The following ELP6 variants were observed in gnomAD, a reference collection of about 807,000 sequenced individuals.
ELP6 encodes the protein elongator acetyltransferase complex subunit 6, also known as elongator complex protein 6.
A neutral mutation model predicts 28.1 loss-of-function variants in ELP6; 23 were observed. The ratio of observed to expected loss-of-function variants is 0.82; its 90% confidence interval spans 0.59 to 1.16. The LOEUF (loss-of-function observed/expected upper bound fraction) is 1.16, where lower values mean the gene tolerates loss of function less well. Ranked by LOEUF, ELP6 falls within the 50% of genes most tolerant of loss-of-function variation. The probability of loss-of-function intolerance (pLI) is 0.00; values close to 1 mark genes in which losing one functional copy is unlikely to be tolerated. For missense variants in ELP6, 313 were observed against 334.6 expected, an observed-to-expected ratio of 0.94 and a Z score of 0.50; for synonymous variants, 132 against 135.8, an observed-to-expected ratio of 0.97 and a Z score of 0.19.
intron 6 of ELP6, chr3:47,496,658 G>A (rs1302599812): frequency 3.0e-6 from 2 of 656,128 alleles, no homozygotes; most frequent in East Asian, 2.7e-4. Flanking sequence ...CCATGCCTGG[G>A]CAATTTTTGT....
In ELP6 at chr3:47,513,642, A is replaced by C; in HGVS notation, c.-52T>G. ...GAGGAGAACCCGGAGTGCTGCAGAGACGACGGAGGCTGGAGAGCAAAACAC... is the reference window on the plus strand; with the variant it reads ...GAGGAGAACCCGGAGTGCTGCAGAGCCGACGGAGGCTGGAGAGCAAAACAC... On this transcript the variant is annotated 5_prime_UTR_variant, in exon 1 of 7. Coordinates refer to ENST00000296149, the MANE Select transcript of ELP6 (RefSeq NM_001031703.3). 6.2e-7 allele frequency: 1 copy of C among 1,609,478 alleles called. No individual in the cohort carries two copies. Among genetic ancestry groups the C allele is most frequent in the Non-Finnish European group, 8.5e-7 (1 of 1,177,106 alleles).
intron 3 of ELP6, among the ~76,000 whole-genome samples, chr3:47,505,958 G>A (rs981794915): frequency 4.6e-5 from 7 of 152,088 alleles, no homozygotes; most frequent in Non-Finnish European, 1.0e-4. Flanking sequence ...TCCACCTGCC[G>A]ATATCAGGAA....
intron 3 of ELP6, among the ~76,000 whole-genome samples, chr3:47,509,405 C>T (rs1486793718): frequency 6.6e-6 from 1 of 152,222 alleles, no homozygotes; most frequent in Non-Finnish European, 1.5e-5. Flanking sequence ...CAGGTAATGT[C>T]CCAGGCTAGG....
chr3:47,497,394 T>A, intron 6 of ELP6: 3 of 964,028 alleles, frequency 3.1e-6, no homozygotes, highest in Non-Finnish European at 3.7e-6. Context: ...TGGAGTGCAG[T>A]GGCGCGATCT....
At position 47,511,163 on chromosome 3, in the gene ELP6, A is replaced by G; in HGVS notation, c.118T>C (p.Ser40Pro). The change falls in exon 2 of 7, where the codon TCC (serine) becomes CCC (proline). Residue 40 changes from serine to proline, a missense_variant. Coordinates refer to ENST00000296149, the MANE Select transcript of ELP6 (RefSeq NM_001031703.3). ...AGTCCCATACCTTTGAGATAGAAGG[A>G]GAGAAAGTGGTGTACAAGGAAACTC... ...DGSFLVHHFL[S>P]FYLKANCKVC... is the part of the protein sequence containing the mutation. The G allele has an allele frequency of 6.2e-7, 1 of 1,613,862 alleles. No homozygotes were observed. Among genetic ancestry groups the G allele is most frequent in the Non-Finnish European group, 8.5e-7 (1 of 1,179,852 alleles).
intron 3 of ELP6, among the ~76,000 whole-genome samples, chr3:47,508,729 G>T (rs1708920419): frequency 1.3e-5 from 2 of 150,916 alleles, no homozygotes; most frequent in Non-Finnish European, 3.0e-5. Context: ...GGGGGCAGGG[G>T]TGGGGGAGTT....
chr3:47,504,346 G>A lies in ELP6; in HGVS notation c.307C>T (p.Pro103Ser). The A allele has an allele frequency of 5.0e-6, 8 of 1,608,574 alleles. No individual in the cohort carries two copies. Among genetic ancestry groups the A allele is most frequent in the Non-Finnish European group, 6.8e-6 (8 of 1,176,942 alleles). The change falls in exon 4 of 7, where the codon CCC becomes TCC. Residue 103 changes from proline to serine, a missense_variant. Coordinates refer to ENST00000296149, the MANE Select transcript of ELP6 (RefSeq NM_001031703.3). ...CTGACTGACCTGAGAAACTGCAGGG[G>A]GTGTGGCTCCTTTTGAGCCTGGAAG... is the stretch of plus-strand genomic sequence containing the variant. Reference protein sequence around the residue: ...VVFQAQKEPHPLQFLREANAG... With the variant: ...VVFQAQKEPHSLQFLREANAG...
intron 5 of ELP6, chr3:47,500,497 C>T (rs1022531735): frequency 6.6e-6 from 1 of 152,388 alleles, no homozygotes. Context: ...TGCTAAAGTA[C>T]CCTTTATACT....
chr3:47,509,754 G>A (rs1314770821), intron 3 of ELP6, among the ~76,000 whole-genome samples: 1 of 151,916 alleles, frequency 6.6e-6, no homozygotes, highest in Admixed American at 6.6e-5. Context: ...CGAGTAAGGG[G>A]TTCAGGATCC....
At chr3:47,505,612 C>T (rs1708809982) in intron 3 of ELP6, among the ~76,000 whole-genome samples, 1 of 152,068 alleles carries the variant, frequency 6.6e-6, no homozygotes, top group African/African-American at 2.4e-5. Flanking sequence ...GCTCTTGTCG[C>T]CCAGACTGGA....
At chr3:47,511,263 C>G in intron 1 of ELP6, 37 bp from the exon 2 acceptor site, 1 of 1,606,748 alleles carries the variant, frequency 6.2e-7, no homozygotes, top group South Asian at 1.1e-5. Flanking sequence ...GTTAGACTCC[C>G]TGGAAAGAGG....
chr3:47,504,509 C>T, intron 3 of ELP6, 61 bp from the exon 4 acceptor site: 3 of 1,506,152 alleles, frequency 2.0e-6, no homozygotes, highest in Non-Finnish European at 2.7e-6. Flanking sequence ...AGACTAGATG[C>T]CAGCTTGCAA....
At chr3:47,513,074 T>TC (rs1339080080) in intron 1 of ELP6, 1 of 936,690 alleles carries the variant, frequency 1.1e-6, no homozygotes, top group African/African-American at 1.8e-5. Flanking sequence ...CACTGCAACC[T>TC]CCGCCTCCCG....
At chr3:47,497,223 C>T in intron 6 of ELP6, 1 of 985,470 alleles carries the variant, frequency 1.0e-6, no homozygotes, top group Non-Finnish European at 1.2e-6. Context: ...TAGAATCCAG[C>T]TTCCCTCCCA....
chr3:47,505,867 C>T (rs560199451), intron 3 of ELP6, among the ~76,000 whole-genome samples: 4 of 152,232 alleles, frequency 2.6e-5, no homozygotes, highest in African/African-American at 2.4e-5. Flanking sequence ...CCACCGTGCC[C>T]GGCCTAATTT....
Position 47,501,782 on chromosome 3 carries a change from A to G in ELP6, c.393T>C (p.Ser131=). 3 of 1,614,030 alleles carry G rather than the reference A, an allele frequency of 1.9e-6. No homozygotes were observed. The highest frequency in any genetic ancestry group is 2.5e-6 in the Non-Finnish European group (3 of 1,179,996). The change falls in exon 5 of 7, where the codon AGT becomes AGC. Residue 131 remains serine (S), a synonymous_variant. Transcript: ENST00000296149. Reference sequence around the variant, plus strand: ...CCGGGTACGTCCACCGAGCCTCTCCACTGTCTACTGGCTTCAGGGCCTCCC... The same window carrying G: ...CCGGGTACGTCCACCGAGCCTCTCCGCTGTCTACTGGCTTCAGGGCCTCCC... The part of the protein sequence containing the change: ...FVREALKPVD[S]GEARWTYPVL...
intron 1 of ELP6, 24 bp downstream of exon 1, chr3:47,513,513 C>T: frequency 1.2e-6 from 2 of 1,610,022 alleles, no homozygotes; most frequent in East Asian, 2.2e-5. Context: ...GTCCCGCCCC[C>T]TTCCGGCCAG....
intron 3 of ELP6, among the ~76,000 whole-genome samples, chr3:47,508,226 ATTT>A (rs1416987809): frequency 6.6e-6 from 1 of 152,110 alleles, no homozygotes; most frequent in Non-Finnish European, 1.5e-5. Context: ...ATTTTATTTT[ATTT>A]TTTATTTTTA....
At chr3:47,509,933 T>C (rs1405069974) in intron 3 of ELP6, 3 of 319,832 alleles carry the variant, frequency 9.4e-6, no homozygotes, top group African/African-American at 6.5e-5. Context: ...AGCTAATTTT[T>C]GTATTTTTAG....
Sources: gnomAD v4.1 joint callset for allele counts (sites outside exome capture counted in the v4.1 genomes callset) on GRCh38, gnomAD v4.1.1 for gene constraint, MANE v1.5 for transcripts, NCBI Gene and HGNC (gene_info 2026-07-23, HGNC 2026-07-21) for gene names.